SVIL: variants seen among roughly 807,000 people sequenced by gnomAD.
The protein encoded by SVIL is supervillin.
In SVIL, 101 loss-of-function variants were observed where a neutral mutation model predicts 240.4. The ratio of observed to expected loss-of-function variants is 0.42; its 90% CI spans 0.36 to 0.50. The LOEUF is 0.50. Ranked by LOEUF, SVIL falls within the 20% of genes least tolerant of loss-of-function variation. The probability of loss-of-function intolerance (pLI) is 0.01; values close to 1 mark genes in which losing one functional copy is unlikely to be tolerated. For synonymous variants in SVIL, 999 were observed against 1,100.0 expected (o/e 0.91, Z 1.82); for missense variants, 2,512 against 2,818.7 (o/e 0.89, Z 2.46).
chr10:29,713,407 T>A (rs1963424071), intron 1 of SVIL, among the ~76,000 whole-genome samples: 1 of 152,138 alleles, frequency 6.6e-6, no homozygotes, highest in African/African-American at 2.4e-5. Flanking sequence ...ACAGGAACCA[T>A]TAAAAATGTG....
intron 2 of SVIL, among the ~76,000 whole-genome samples, chr10:29,664,556 AG>A (rs1371881630): frequency 6.6e-6 from 1 of 152,180 alleles, no homozygotes; most frequent in Non-Finnish European, 1.5e-5. Context: ...GTTTAGCCAC[AG>A]GAATAACAAT....
At chr10:29,661,873 G>A (rs1959167387) in intron 2 of SVIL, among the ~76,000 whole-genome samples, 1 of 151,780 alleles carries the variant, frequency 6.6e-6, no homozygotes, top group South Asian at 2.1e-4. Flanking sequence ...ATGTTGCTCA[G>A]GCTGGTCTTA....
chr10:29,529,377 C>A (rs200427954), intron 12 of SVIL, among the ~76,000 whole-genome samples: 14 of 108,754 alleles, frequency 1.3e-4, no homozygotes, highest in Non-Finnish European at 2.5e-4. Flanking sequence ...CGGCCAGGAG[C>A]GGGTGACCGT....
chr10:29,627,926 T>C (rs1170950221), intron 1 of SVIL, among the ~76,000 whole-genome samples: 1 of 152,234 alleles, frequency 6.6e-6, no homozygotes, highest in Non-Finnish European at 1.5e-5. Flanking sequence ...AAATTAAGAC[T>C]ATCAGCACAA....
At chr10:29,721,053 G>A (rs7914701) in intron 1 of SVIL, among the ~76,000 whole-genome samples, 94,057 of 151,912 alleles carry the variant, frequency 0.62, 29,493 homozygotes, top group Non-Finnish European at 0.67. Context: ...TTGCCATGTT[G>A]GCCAGGTTGG....
intron 2 of SVIL, among the ~76,000 whole-genome samples, chr10:29,565,884 C>T (rs1372483805): frequency 6.6e-6 from 1 of 151,908 alleles, no homozygotes; most frequent in African/African-American, 2.4e-5. Flanking sequence ...CAGAGTGAGA[C>T]CCTGTCTGTT....
At chr10:29,673,791 G>A (rs1053517938) in intron 2 of SVIL, among the ~76,000 whole-genome samples, 8 of 152,278 alleles carry the variant, frequency 5.3e-5, no homozygotes, top group African/African-American at 1.9e-4. Flanking sequence ...GGGGCACAGA[G>A]CCAAACCATA....
intron 2 of SVIL, among the ~76,000 whole-genome samples, chr10:29,663,958 T>C (rs1172842036): frequency 6.6e-6 from 1 of 152,198 alleles, no homozygotes; most frequent in Non-Finnish European, 1.5e-5. Flanking sequence ...CAATCCTCCC[T>C]GGTGAGATCC....
intron 1 of SVIL, among the ~76,000 whole-genome samples, chr10:29,607,684 T>C (rs1666645630): frequency 6.6e-6 from 1 of 152,212 alleles, no homozygotes; most frequent in African/African-American, 2.4e-5. Context: ...CTTTCCACAA[T>C]GCCAACGTCT....
At chr10:29,631,910 C>T (rs183320799) in intron 1 of SVIL, among the ~76,000 whole-genome samples, 1 of 152,310 alleles carries the variant, frequency 6.6e-6, no homozygotes, top group East Asian at 1.9e-4. Flanking sequence ...AAGCCCAGAA[C>T]TGCTGGAAAG....
intron 17 of SVIL, among the ~76,000 whole-genome samples, chr10:29,509,418 G>A (rs545480408): frequency 7.4e-5 from 11 of 148,804 alleles, no homozygotes; most frequent in African/African-American, 2.7e-4. Flanking sequence ...GACAGAACTA[G>A]CTAGGTAAAC....
intron 1 of SVIL, among the ~76,000 whole-genome samples, chr10:29,573,086 G>A (rs189506099): frequency 8.6e-5 from 13 of 151,582 alleles, no homozygotes; most frequent in Non-Finnish European, 1.6e-4. Flanking sequence ...AGATTAAGGG[G>A]TATGTGTGCA....
At chr10:29,470,730 T>C (rs1945476837) in intron 31 of SVIL, among the ~76,000 whole-genome samples, 1 of 152,132 alleles carries the variant, frequency 6.6e-6, no homozygotes. Flanking sequence ...GTCCACAATG[T>C]AGAAAAGCCA....
rs886091972 is a variant in SVIL, at chr10:29,551,664, T to C, written c.161-401A>G. Reference sequence around the variant, plus strand: ...TCCTCTGGGAAAGACAGCAGACAAGTGAGCTGCCGTCATTGGACAAGTGAT... The same window carrying C: ...TCCTCTGGGAAAGACAGCAGACAAGCGAGCTGCCGTCATTGGACAAGTGAT... On this transcript the variant is annotated intron_variant, in intron 5 of 37. Coordinates refer to ENST00000355867, the MANE Select transcript of SVIL (RefSeq NM_021738.3). Among the ~76,000 whole-genome samples, 7 of 152,348 alleles carry C rather than the reference T, an allele frequency of 4.6e-5. No individual in the cohort carries two copies. The East Asian group carries it at 5.8e-4, about 13-fold the overall frequency.
At chr10:29,682,197 A>G (rs981869851) in intron 2 of SVIL, among the ~76,000 whole-genome samples, 3 of 152,132 alleles carry the variant, frequency 2.0e-5, no homozygotes, top group Non-Finnish European at 4.4e-5. Flanking sequence ...ACCTCTAGTC[A>G]CCAACACAGC....
intron 34 of SVIL, among the ~76,000 whole-genome samples, chr10:29,464,530 C>G (rs1230072859): frequency 6.6e-6 from 1 of 152,178 alleles, no homozygotes; most frequent in Non-Finnish European, 1.5e-5. Context: ...CAGTCTGACT[C>G]TTACTCCAGG....
intron 1 of SVIL, among the ~76,000 whole-genome samples, chr10:29,729,450 GGTGTGTGTGTGTGTGTGTGTGTGTGT>G (rs55940009): frequency 2.2e-5 from 3 of 136,784 alleles, no homozygotes; most frequent in Non-Finnish European, 4.7e-5. Flanking sequence ...TGTTTATGGA[GGTGTGTGTGTGTGTGTGTGTGTGTGT>G]GTGTGTGTGT....
At chr10:29,602,695 A>T (rs185642177) in intron 1 of SVIL, among the ~76,000 whole-genome samples, 4 of 152,322 alleles carry the variant, frequency 2.6e-5, no homozygotes, top group Admixed American at 1.3e-4. Flanking sequence ...TTTAAAAAAG[A>T]AAGGGAGAGG....
At chr10:29,736,467 CTA>C (rs1964906152), upstream of SVIL, among the ~76,000 whole-genome samples, 1 of 151,654 alleles carries the variant, frequency 6.6e-6, no homozygotes, top group Non-Finnish European at 1.5e-5. Context: ...CAGGGCCGCC[CTA>C]TCGCTCTCCC....
Sources: gnomAD v4.1 joint callset for allele counts (sites outside exome capture counted in the v4.1 genomes callset) on GRCh38, gnomAD v4.1.1 for gene constraint, MANE v1.5 for transcripts, NCBI Gene and HGNC (gene_info 2026-07-23, HGNC 2026-07-21) for gene names.